Variants in SLC9C1 observed in about 807,000 individuals in gnomAD.
The protein encoded by SLC9C1 is solute carrier family 9 member C1, also known as sodium/hydrogen exchanger 10.
In SLC9C1, 97 loss-of-function variants were observed where a neutral mutation model predicts 140.9. The observed-to-expected ratio is 0.69, with a 90% CI of 0.58 to 0.82. The LOEUF is 0.82. Ranked by LOEUF, SLC9C1 falls within the 40% of genes least tolerant of loss-of-function variation. SLC9C1 has a pLI of 0.00. For missense variants in SLC9C1, 1,340 were observed against 1,389.3 expected, an observed-to-expected ratio of 0.96 and a Z score of 0.56; for synonymous variants, 440 against 442.6, an observed-to-expected ratio of 0.99 and a Z score of 0.07.
At chr3:112,176,983 TG>T (rs1036096292) in intron 23 of SLC9C1, among the ~76,000 whole-genome samples, 7 of 148,546 alleles carry the variant, frequency 4.7e-5, no homozygotes, top group Non-Finnish European at 1.0e-4. Flanking sequence ...TCTTGACTCC[TG>T]GTGTCTCTCT....
intron 25 of SLC9C1, among the ~76,000 whole-genome samples, chr3:112,168,367 A>ACACACAC (rs200097066): frequency 6.0e-4 from 32 of 53,102 alleles, no homozygotes; most frequent in Non-Finnish European, 1.0e-3. Flanking sequence ...ACACACACAC[A>ACACACAC]ACTTCTTTCC....
At chr3:112,283,643 T>G (rs565418126) in intron 2 of SLC9C1, among the ~76,000 whole-genome samples, 77 of 152,258 alleles carry the variant, frequency 5.1e-4, no homozygotes, top group African/African-American at 1.8e-3. Context: ...ATTAAAAGTT[T>G]TGTGAACTCA....
At chr3:112,150,089 C>T (rs1024868954) in intron 28 of SLC9C1, among the ~76,000 whole-genome samples, 15 of 152,282 alleles carry the variant, frequency 9.9e-5, no homozygotes, top group Middle Eastern at 6.8e-3. Flanking sequence ...AAGCACAATT[C>T]TAGCACCTAC....
chr3:112,146,376 G>A (rs1335648592), intron 28 of SLC9C1, among the ~76,000 whole-genome samples: 2 of 151,876 alleles, frequency 1.3e-5, no homozygotes, highest in Admixed American at 6.6e-5. Context: ...ATTTGTTCTT[G>A]TTTTTCTAGT....
chr3:112,292,995 A>G (rs1347013470), intron 1 of SLC9C1, among the ~76,000 whole-genome samples: 3 of 76,890 alleles, frequency 3.9e-5, no homozygotes, highest in Non-Finnish European at 5.9e-5. Flanking sequence ...TTGACTGAGC[A>G]CAGTGGCTCA....
In SLC9C1 at chr3:112,216,741, A is replaced by T. The variant is rs925084438; in HGVS notation, c.1790+701T>A. ...AGAGGATGTGGAGAAATAGGAACAC[A>T]TTTACACTGTTTGTGGGGCTGTAAC... is the stretch of plus-strand genomic sequence containing the variant. On this transcript the variant is annotated intron_variant, in intron 15 of 28. Coordinates refer to ENST00000305815, the MANE Select transcript of SLC9C1 (RefSeq NM_183061.3). 3.0e-3 allele frequency among the ~76,000 whole-genome samples: 464 copies of T among 152,270 alleles called. 4 individuals carry two copies. The highest frequency in any genetic ancestry group is 0.011 in the African/African-American group (441 of 41,552).
At chr3:112,153,659 A>AT (rs1208431487) in intron 27 of SLC9C1, among the ~76,000 whole-genome samples, 3 of 152,178 alleles carry the variant, frequency 2.0e-5, no homozygotes, top group African/African-American at 7.2e-5. Context: ...TGTACTTTTC[A>AT]TTTCTTTGAT....
At chr3:112,142,989 G>T (rs571569950) in intron 28 of SLC9C1, among the ~76,000 whole-genome samples, 1 of 152,112 alleles carries the variant, frequency 6.6e-6, no homozygotes, top group Admixed American at 6.5e-5. Flanking sequence ...TGCAATATTT[G>T]GTTTTCTTTT....
intron 10 of SLC9C1, among the ~76,000 whole-genome samples, chr3:112,244,758 T>C (rs926044877): frequency 2.6e-5 from 4 of 152,228 alleles, no homozygotes; most frequent in Non-Finnish European, 5.9e-5. Flanking sequence ...CCCTAGCTAG[T>C]CTTCTGTTCT....
At chr3:112,259,454 C>T (rs1252521009) in intron 10 of SLC9C1, among the ~76,000 whole-genome samples, 1 of 149,778 alleles carries the variant, frequency 6.7e-6, no homozygotes, top group Admixed American at 6.7e-5. Flanking sequence ...AAACCAAGAC[C>T]ATGTCCTCGT....
intron 11 of SLC9C1, among the ~76,000 whole-genome samples, chr3:112,242,844 T>C (rs780857285): frequency 3.5e-4 from 53 of 151,970 alleles, no homozygotes; most frequent in Middle Eastern, 6.8e-3. Context: ...AAAAAAAGTC[T>C]TAATGGGCAA....
At chr3:112,272,449 A>T (rs1292425573) in intron 6 of SLC9C1, among the ~76,000 whole-genome samples, 1 of 151,934 alleles carries the variant, frequency 6.6e-6, no homozygotes, top group Non-Finnish European at 1.5e-5. Context: ...TGCTAACTTC[A>T]CAGATTAGTA....
chr3:112,219,879 C>T (rs2108118910), intron 14 of SLC9C1, among the ~76,000 whole-genome samples: 1 of 152,234 alleles, frequency 6.6e-6, no homozygotes, highest in East Asian at 1.9e-4. Flanking sequence ...CTATGCCCGG[C>T]CTGCTATTTT....
intron 28 of SLC9C1, among the ~76,000 whole-genome samples, chr3:112,144,541 A>G (rs532467228): frequency 2.4e-4 from 37 of 152,256 alleles, no homozygotes; most frequent in African/African-American, 8.7e-4. Context: ...TTTGGGCAGT[A>G]TGGCCATTTT....
intron 1 of SLC9C1, among the ~76,000 whole-genome samples, chr3:112,288,739 G>A (rs1227652994): frequency 2.0e-5 from 3 of 152,144 alleles, no homozygotes; most frequent in Non-Finnish European, 4.4e-5. Flanking sequence ...CAACCGGGGT[G>A]ACAGAGTGAT....
chr3:112,212,829 A>C (rs902181423), intron 15 of SLC9C1, among the ~76,000 whole-genome samples: 1 of 152,228 alleles, frequency 6.6e-6, no homozygotes, highest in Non-Finnish European at 1.5e-5. Flanking sequence ...AGGCAGGCCA[A>C]CATTCAAATT....
chr3:112,186,090 C>G (rs2107975486), intron 20 of SLC9C1: 1 of 945,572 alleles, frequency 1.1e-6, no homozygotes, highest in Non-Finnish European at 1.5e-6. Context: ...AAAAAATGAA[C>G]TTTCTGTCTT....
chr3:112,203,282 G>C (rs929795242), intron 17 of SLC9C1, among the ~76,000 whole-genome samples: 3 of 151,884 alleles, frequency 2.0e-5, no homozygotes, highest in Non-Finnish European at 4.4e-5. Flanking sequence ...TGTTTTATTA[G>C]TTTCTTCATC....
At chr3:112,292,669 G>A (rs1476516822) in intron 1 of SLC9C1, among the ~76,000 whole-genome samples, 1 of 151,748 alleles carries the variant, frequency 6.6e-6, no homozygotes, top group African/African-American at 2.4e-5. Context: ...TCAGCCTCCC[G>A]AGTAGCTGGG....
Sources: allele counts gnomAD v4.1 joint callset (sites outside exome capture counted in the v4.1 genomes callset), GRCh38; gene constraint gnomAD v4.1.1; transcripts MANE v1.5; gene names NCBI Gene and HGNC (gene_info 2026-07-23, HGNC 2026-07-21).